The following MAST3 variants were observed in gnomAD, a reference collection of about 807,000 sequenced individuals.
The protein encoded by MAST3 is microtubule-associated serine/threonine-protein kinase 3.
Under a neutral mutation model 127.0 loss-of-function variants are expected in MAST3, and 43 were observed. That is an observed-to-expected ratio of 0.34 (90% CI 0.27 to 0.44). The LOEUF (loss-of-function observed/expected upper bound fraction) is 0.44. Among genes scored for constraint, MAST3 ranks in the 20% least tolerant of loss-of-function variants. MAST3 has a pLI of 1.00. For missense variants in MAST3, 1,390 were observed against 1,919.1 expected (o/e 0.72, Z 5.15); for synonymous variants, 785 against 809.2 (o/e 0.97, Z 0.51).
In MAST3 at chr19:18,137,291, A is replaced by G; in HGVS notation, c.2025A>G (p.Ala675=). The change falls in exon 19 of 28, where the codon GCA becomes GCG. Residue 675 remains alanine (A), a synonymous_variant. Transcript: ENST00000687212. The part of the protein sequence containing the change: ...QHPFFLALDW[A]GLLRHKAEFV... ...CCTTTTTCCTGGCCCTGGACTGGGC[A>G]GGGCTTCTCCGACACAAAGCCGAGT... 6.2e-7 allele frequency: 1 copy of G among 1,613,876 alleles called. No individual in the cohort carries two copies. The highest frequency in any genetic ancestry group is 8.5e-7 in the Non-Finnish European group (1 of 1,179,820).
At chr19:18,123,900 C>G in intron 8 of MAST3, 39 bp from the exon 9 acceptor site, 1 of 1,522,404 alleles carries the variant, frequency 6.6e-7, no homozygotes. Flanking sequence ...CACTCCAGCC[C>G]CGCCCTCTGA....
intron 20 of MAST3, 122 bp downstream of exon 20, chr19:18,139,246 G>T (rs1250340060): frequency 1.4e-6 from 1 of 701,296 alleles, no homozygotes; most frequent in Non-Finnish European, 2.5e-6. Context: ...TTGCTATGCT[G>T]CCCAGGCTGG....
In MAST3 at chr19:18,141,988, A is replaced by G. The variant is rs377729320; in HGVS notation, c.2312A>G (p.Tyr771Cys). The G allele has an allele frequency of 1.7e-5, 26 of 1,523,594 alleles. No homozygotes were observed. In the African/African-American group the frequency reaches 2.5e-4, roughly 15 times the overall value. 94.4% of individuals were successfully genotyped at this position (1,523,594 alleles called of 1,614,324 possible). Residue 771 changes from tyrosine to cysteine, a missense_variant, in exon 21 of 28, where the codon TAT becomes TGT. By Grantham distance (194) the Tyr-to-Cys change is radical (BLOSUM62 -2). Coordinates refer to ENST00000687212, the MANE Select transcript of MAST3 (RefSeq NM_001393504.1). Reference sequence around the variant, plus strand: ...GGGTGGGAGCGCAGCGAAGTGGACTATGGCCGCCGGCTGAGTGCTGACATC... The same window carrying G: ...GGGTGGGAGCGCAGCGAAGTGGACTGTGGCCGCCGGCTGAGTGCTGACATC... ...EEGWERSEVDYGRRLSADIRL... is the reference protein window; with the variant it reads ...EEGWERSEVDCGRRLSADIRL...
chr19:18,111,751 C>T (rs2038673824), intron 3 of MAST3, among the ~76,000 whole-genome samples: 1 of 152,010 alleles, frequency 6.6e-6, no homozygotes, highest in Non-Finnish European at 1.5e-5. Context: ...CCAGGCTGGT[C>T]GCAAACCCCT....
At chr19:18,111,198 C>T (rs1007608527) in intron 3 of MAST3, among the ~76,000 whole-genome samples, 4 of 152,080 alleles carry the variant, frequency 2.6e-5, no homozygotes, top group African/African-American at 7.2e-5. Context: ...GGTGACTGAG[C>T]GCTCCCTAAC....
chr19:18,142,265 T>TACTAA (rs1368919986), intron 21 of MAST3, among the ~76,000 whole-genome samples: 1 of 152,076 alleles, frequency 6.6e-6, no homozygotes, highest in Non-Finnish European at 1.5e-5. Flanking sequence ...GCCCTTTGCT[T>TACTAA]ACTAACTCCT....
At position 18,145,302 on chromosome 19, in the gene MAST3, CT is replaced by C. The variant is rs1396497648; in HGVS notation, c.3039+74del. On this transcript the variant is annotated intron_variant, in intron 24 of 27. Transcript: ENST00000687212. This position sits in a 1 kb window ranked among gnomAD's most constrained non-coding sequence, Gnocchi z 5.9. ...TGCCCGGTCATGTCCCTTCTCAGAGCTGCATTTTGGAGCCTGGCAGGGTTAG... is the reference window on the plus strand; with the variant it reads ...TGCCCGGTCATGTCCCTTCTCAGAGCGCATTTTGGAGCCTGGCAGGGTTAG... 1.4e-6 allele frequency: 2 copies of C among 1,454,678 alleles called. No homozygotes were observed. The highest frequency in any genetic ancestry group is 2.8e-5 in the African/African-American group (2 of 71,684). The allele number at this position is 1,454,678 out of a possible 1,614,324, so 90.1% of individuals were successfully genotyped here.
rs925607225 is a variant in MAST3, at chr19:18,144,867, A to G, written c.2813-136A>G. 1 of 865,378 alleles carries G rather than the reference A, an allele frequency of 1.2e-6. No individual in the cohort carries two copies. Among genetic ancestry groups the G allele is most frequent in the Non-Finnish European group, 1.9e-6 (1 of 539,656 alleles). The allele number at this position is 865,378 out of a possible 1,614,324, so 53.6% of individuals were successfully genotyped here. A position where few individuals can be genotyped will look rare whatever the true frequency, so the allele number is the denominator to read the frequency against. On this transcript the variant is annotated intron_variant, in intron 23 of 27. Coordinates refer to ENST00000687212, the MANE Select transcript of MAST3 (RefSeq NM_001393504.1). This position sits in a 1 kb window ranked among gnomAD's most constrained non-coding sequence, Gnocchi z 4.0. The stretch of plus-strand genomic sequence containing the variant: ...CCCAGTAGAGGGCACTGCACGTGCA[A>G]AGGCCTGGTGGGGTGACCATGCTTG...
chr19:18,122,053 G>C (rs1438084910), intron 5 of MAST3, 131 bp downstream of exon 5: 4 of 1,482,790 alleles, frequency 2.7e-6, no homozygotes, highest in Non-Finnish European at 3.6e-6. Context: ...GGCCCGTCTG[G>C]TGGTGGTCTC....
rs2038416006 is a variant in MAST3, at chr19:18,110,118, G to C, written c.72-534G>C. The C allele has an allele frequency of 1.0e-6, 1 of 985,214 alleles. No homozygotes were observed. The allele number at this position is 985,214 out of a possible 1,614,324, so 61.0% of individuals were successfully genotyped here. On this transcript the variant is annotated intron_variant, in intron 2 of 27. Transcript: ENST00000687212. This position sits in a 1 kb window ranked among gnomAD's most constrained non-coding sequence, Gnocchi z 4.3. ...CCGGGCCGGGCCTGCGCGCAGGTGC[G>C]GAGCTGCGATCCCCGCCCCGAGGCG...
At position 18,149,237 on chromosome 19, in the gene MAST3, C is replaced by T. The variant is rs1253301507; in HGVS notation, c.3555C>T (p.Pro1185=). The change falls in exon 28 of 28, where the codon CCC becomes CCT. Residue 1185 remains proline, a synonymous_variant. Coordinates refer to ENST00000687212, the MANE Select transcript of MAST3 (RefSeq NM_001393504.1). The surrounding 1 kb of genome is among the most constrained non-coding windows in gnomAD (Gnocchi z 5.9). ...PPSASPSSSS[P]ASPAAAGHTR... is the part of the protein sequence containing the mutation. Reference sequence around the variant, plus strand: ...GCGCATCCCCGAGCTCCAGCAGCCCCGCCTCCCCAGCTGCTGCTGGCCACA... The same window carrying T: ...GCGCATCCCCGAGCTCCAGCAGCCCTGCCTCCCCAGCTGCTGCTGGCCACA... The T allele has an allele frequency of 8.3e-6, 13 of 1,558,570 alleles. No individual in the cohort carries two copies. Among genetic ancestry groups the T allele is most frequent in the East Asian group, 2.5e-5 (1 of 39,284 alleles).
Position 18,143,922 on chromosome 19 carries a change from C to A in MAST3, c.2499C>A (p.Gly833=), listed in dbSNP as rs749571806. Residue 833 remains glycine (G), a synonymous_variant, in exon 22 of 28, where the codon GGC becomes GGA. Transcript: ENST00000687212. The part of the protein sequence containing the change: ...EDEGVGPGPA[G]PKRPVFILGE... The stretch of plus-strand genomic sequence containing the variant: ...AGGGGGTAGGCCCAGGCCCTGCAGG[C>A]CCCAAGAGGCCCGTCTTCATTCTAG... 6.2e-7 allele frequency: 1 copy of A among 1,612,958 alleles called. No homozygotes were observed. The highest frequency in any genetic ancestry group is 8.5e-7 in the Non-Finnish European group (1 of 1,179,544).
At chr19:18,128,569 A>G in intron 12 of MAST3, 111 bp downstream of exon 12, 2 of 1,164,254 alleles carry the variant, frequency 1.7e-6, no homozygotes, top group Non-Finnish European at 2.4e-6. Flanking sequence ...CTTAATTAGC[A>G]TCGGTGACTT....
intron 11 of MAST3, among the ~76,000 whole-genome samples, chr19:18,126,439 C>T (rs1210914710): frequency 6.6e-6 from 1 of 152,070 alleles, no homozygotes; most frequent in Non-Finnish European, 1.5e-5. Context: ...TAAGGTTGGA[C>T]CATACCTGGA....
At chr19:18,105,934 C>T (rs1599659280) in intron 1 of MAST3, among the ~76,000 whole-genome samples, 1 of 152,100 alleles carries the variant, frequency 6.6e-6, no homozygotes, top group East Asian at 1.9e-4. Flanking sequence ...GAGAGAATGG[C>T]GTTCAGACCT....
In MAST3 at chr19:18,142,001, G is replaced by A; in HGVS notation, c.2325G>A (p.Leu775=). The change falls in exon 21 of 28, where the codon CTG becomes CTA. Residue 775 remains leucine, a synonymous_variant. Transcript: ENST00000687212. ...ERSEVDYGRR[L]SADIRLRSWT... ...GCGAAGTGGACTATGGCCGCCGGCT[G>A]AGTGCTGACATCCGGTAAGTGGCCT... is the stretch of plus-strand genomic sequence containing the variant. 6.6e-7 allele frequency: 1 copy of A among 1,505,524 alleles called. No homozygotes were observed. Among genetic ancestry groups the A allele is most frequent in the East Asian group, 2.5e-5 (1 of 39,486 alleles). The allele number at this position is 1,505,524 out of a possible 1,614,324, so 93.3% of individuals were successfully genotyped here.
At chr19:18,129,004 T>G in intron 13 of MAST3, 53 bp downstream of exon 13, 2 of 1,505,052 alleles carry the variant, frequency 1.3e-6, no homozygotes. Context: ...GAGGGGATGG[T>G]TGAGGCCCAG....
rs768502140 is a variant in MAST3, at chr19:18,149,384, G to A, written c.3702G>A (p.Ala1234=). 2.6e-5 allele frequency: 38 copies of A among 1,466,098 alleles called. No homozygotes were observed. The highest frequency in any genetic ancestry group is 2.3e-4 in the South Asian group (17 of 75,506). 90.8% of individuals were successfully genotyped at this position (1,466,098 alleles called of 1,614,324 possible). A position where few individuals can be genotyped will look rare whatever the true frequency, so the allele number is the denominator to read the frequency against. Residue 1234 remains alanine, a synonymous_variant, in exon 28 of 28, where the codon GCG becomes GCA. Transcript: ENST00000687212. This position sits in a 1 kb window ranked among gnomAD's most constrained non-coding sequence, Gnocchi z 5.9. ...CGCTGGCCTGCCCGCCCATCTCCGC[G>A]CCCCCACCCCGCTCGCCCTCGCCCC... is the stretch of plus-strand genomic sequence containing the variant. ...PSPLACPPIS[A]PPPRSPSPLP...
At chr19:18,123,167 A>G (rs766811398) in intron 6 of MAST3, 50 bp from the exon 7 acceptor site, 1 of 1,603,078 alleles carries the variant, frequency 6.2e-7, no homozygotes, top group Non-Finnish European at 8.5e-7. Context: ...GTTCCTGGCC[A>G]CAGCACTGAC....
Sources: allele counts gnomAD v4.1 joint callset (sites outside exome capture counted in the v4.1 genomes callset), GRCh38; gene constraint gnomAD v4.1.1; non-coding constraint Gnocchi (gnomAD v3.1); transcripts MANE v1.5; gene names NCBI Gene and HGNC (gene_info 2026-07-23, HGNC 2026-07-21).